The following GRIA1 variants were observed in gnomAD, a reference collection of about 807,000 sequenced individuals.
GRIA1 encodes glutamate receptor 1.
GRIA1 carries 31 observed loss-of-function variants against 99.2 expected under a neutral mutation model. The observed-to-expected ratio is 0.31, with a 90% CI of 0.23 to 0.42. The LOEUF (loss-of-function observed/expected upper bound fraction) is 0.42. Ranked by LOEUF, GRIA1 falls within the 10% of genes least tolerant of loss-of-function variation. The pLI, the probability that GRIA1 is intolerant of heterozygous loss-of-function variation, is 1.00. For synonymous variants in GRIA1, 438 were observed against 432.4 expected (o/e 1.01, Z -0.16); for missense variants, 782 against 1,157.5 (o/e 0.68, Z 4.71).
At chr5:153,494,538 C>T (rs551914762) in intron 2 of GRIA1, among the ~76,000 whole-genome samples, 3 of 152,250 alleles carry the variant, frequency 2.0e-5, no homozygotes, top group African/African-American at 4.8e-5. Flanking sequence ...TCTTCATTTT[C>T]GGAAGTGACC....
intron 2 of GRIA1, among the ~76,000 whole-genome samples, chr5:153,581,530 T>A (rs1354413345): frequency 6.6e-6 from 1 of 152,124 alleles, no homozygotes; most frequent in Non-Finnish European, 1.5e-5. Flanking sequence ...TCTTCATGCC[T>A]GCACCACTCT....
At chr5:153,726,148 C>G (rs35880054) in intron 11 of GRIA1, among the ~76,000 whole-genome samples, 79,297 of 151,698 alleles carry the variant, frequency 0.52, 21,634 homozygotes, top group East Asian at 0.94. Context: ...CCACTGGGTA[C>G]ATAACAAAAT....
chr5:153,732,327 T>C (rs563492494), intron 11 of GRIA1, among the ~76,000 whole-genome samples: 72 of 152,236 alleles, frequency 4.7e-4, no homozygotes, highest in Admixed American at 9.2e-4. Context: ...GCTATACCAA[T>C]TTACATTCAC....
intron 2 of GRIA1, among the ~76,000 whole-genome samples, chr5:153,604,572 C>G (rs1033602463): frequency 6.6e-6 from 1 of 152,182 alleles, no homozygotes; most frequent in Admixed American, 6.5e-5. Context: ...CAGGAATGCT[C>G]TTGTGCCCAT....
At chr5:153,617,806 C>G (rs1766653884) in intron 2 of GRIA1, among the ~76,000 whole-genome samples, 2 of 152,100 alleles carry the variant, frequency 1.3e-5, no homozygotes, top group South Asian at 2.1e-4. Context: ...CCTTCTTTCC[C>G]TTAAGTCCTT....
chr5:153,775,960 A>T (rs1458367486), intron 13 of GRIA1, among the ~76,000 whole-genome samples: 5 of 152,056 alleles, frequency 3.3e-5, no homozygotes, highest in Non-Finnish European at 5.9e-5. Context: ...CTTTAACCAG[A>T]GAATTCATTA....
At chr5:153,522,117 A>T (rs894288162) in intron 2 of GRIA1, among the ~76,000 whole-genome samples, 2 of 152,086 alleles carry the variant, frequency 1.3e-5, no homozygotes, top group African/African-American at 4.8e-5. Context: ...TAAGTGTAAG[A>T]CTCTGGAATT....
At chr5:153,623,845 A>T (rs369814432) in intron 2 of GRIA1, among the ~76,000 whole-genome samples, 2 of 152,358 alleles carry the variant, frequency 1.3e-5, no homozygotes, top group East Asian at 3.9e-4. Flanking sequence ...GGCAATGATG[A>T]TAATAAATTA....
chr5:153,680,740 C>G (rs1756918094), intron 7 of GRIA1, among the ~76,000 whole-genome samples: 3 of 152,170 alleles, frequency 2.0e-5, no homozygotes, highest in Admixed American at 2.0e-4. Flanking sequence ...AAGACGCAGT[C>G]CTGCCTTTAA....
At chr5:153,754,204 A>C (rs559609247) in intron 11 of GRIA1, among the ~76,000 whole-genome samples, 10 of 152,296 alleles carry the variant, frequency 6.6e-5, no homozygotes, top group African/African-American at 2.4e-4. Context: ...ACTTTCCTGG[A>C]TAGAGGCCCA....
chr5:153,723,754 G>A (rs1200011639), intron 11 of GRIA1, among the ~76,000 whole-genome samples: 3 of 151,614 alleles, frequency 2.0e-5, no homozygotes, highest in African/African-American at 7.3e-5. Context: ...CTCGAACTGG[G>A]TGGAGCCCAC....
intron 1 of GRIA1, chr5:153,492,150 T>C (rs1753972929): frequency 1.4e-6 from 2 of 1,454,298 alleles, no homozygotes; most frequent in Non-Finnish European, 1.8e-6. Context: ...CTTTTGTGAG[T>C]GTGTGTTTGA....
intron 2 of GRIA1, among the ~76,000 whole-genome samples, chr5:153,608,771 G>A (rs947948362): frequency 1.3e-5 from 2 of 152,174 alleles, no homozygotes; most frequent in African/African-American, 4.8e-5. Flanking sequence ...TTTAATTTAT[G>A]TTGTCTTATC....
chr5:153,697,214 C>G (rs923455183), intron 8 of GRIA1, among the ~76,000 whole-genome samples: 1 of 152,224 alleles, frequency 6.6e-6, no homozygotes, highest in East Asian at 1.9e-4. Flanking sequence ...CTCTGAACTC[C>G]TTAGGCCCAC....
intron 13 of GRIA1, among the ~76,000 whole-genome samples, chr5:153,780,488 A>G (rs1481298551): frequency 6.6e-6 from 1 of 152,234 alleles, no homozygotes; most frequent in Admixed American, 6.5e-5. Flanking sequence ...CACCAAATGT[A>G]AAAAACTGGA....
rs530931341 is a variant in GRIA1, at chr5:153,813,392, C to G, written c.*2167C>G. On this transcript the variant is annotated 3_prime_UTR_variant, in exon 16 of 16. Coordinates refer to ENST00000285900, the MANE Select transcript of GRIA1 (RefSeq NM_000827.4). ...CCTTTGGCCTAGTAAGATGCCTCTC[C>G]AGCTACTGAGCCCACAAGTAACATG... is the stretch of plus-strand genomic sequence containing the variant. 4 of 152,298 alleles carry G rather than the reference C, an allele frequency of 2.6e-5. No individual in the cohort carries two copies. The highest frequency in any genetic ancestry group is 9.6e-5 in the African/African-American group (4 of 41,570). The allele number at this position is 152,298 out of a possible 1,614,324, so 9.4% of individuals were successfully genotyped here.
chr5:153,633,954 A>G (rs1271586035), intron 2 of GRIA1, among the ~76,000 whole-genome samples: 2 of 152,176 alleles, frequency 1.3e-5, no homozygotes, highest in Admixed American at 1.3e-4. Context: ...AAATAAACCA[A>G]AAGTTAAACA....
intron 11 of GRIA1, among the ~76,000 whole-genome samples, chr5:153,740,522 T>C (rs1040025705): frequency 2.6e-5 from 4 of 152,220 alleles, no homozygotes; most frequent in Non-Finnish European, 5.9e-5. Context: ...TAGAGGAATG[T>C]GGCCAACCAC....
intron 2 of GRIA1, among the ~76,000 whole-genome samples, chr5:153,548,257 T>C (rs560101433): frequency 5.3e-4 from 81 of 152,278 alleles, no homozygotes; most frequent in African/African-American, 1.9e-3. Context: ...TGCCAACCAG[T>C]TCATAAAAAT....
Sources: allele counts gnomAD v4.1 joint callset (sites outside exome capture counted in the v4.1 genomes callset), GRCh38; gene constraint gnomAD v4.1.1; transcripts MANE v1.5; gene names NCBI Gene and HGNC (gene_info 2026-07-23, HGNC 2026-07-21).